Variants in FALEC observed in about 807,000 individuals in gnomAD.
The protein encoded by FALEC is focally amplified lncRNA on chromosome 1.
chr1:150,533,143 G>C, the FALEC span, among the ~76,000 whole-genome samples: 1 of 152,248 alleles, frequency 6.6e-6, no homozygotes, highest in Non-Finnish European at 1.5e-5. Context: ...CAAGAGTTTA[G>C]ATTTCATTTT....
At chr1:150,522,876 C>CAT (rs587688475), downstream of FALEC, among the ~76,000 whole-genome samples, 31 of 98,124 alleles carry the variant, frequency 3.2e-4, 1 homozygote, top group East Asian at 8.1e-4. Flanking sequence ...CGTATATATA[C>CAT]ATATATATAT....
downstream of FALEC, among the ~76,000 whole-genome samples, chr1:150,521,844 C>T (rs1382742375): frequency 6.6e-6 from 1 of 152,214 alleles, no homozygotes; most frequent in Non-Finnish European, 1.5e-5. Flanking sequence ...ATTTATAGGC[C>T]AAGCACTCCC....
the FALEC span, among the ~76,000 whole-genome samples, chr1:150,527,695 C>T: frequency 6.6e-6 from 1 of 151,868 alleles, no homozygotes; most frequent in Non-Finnish European, 1.5e-5. Context: ...ACTAAAAATA[C>T]AAAAGTTAGC....
At chr1:150,526,100 C>T in the FALEC span, among the ~76,000 whole-genome samples, 3 of 152,156 alleles carry the variant, frequency 2.0e-5, no homozygotes, top group East Asian at 1.9e-4. Flanking sequence ...CAGTGGCTCA[C>T]GCCTGTAATC....
chr1:150,521,157 G>C (rs1360669632), downstream of FALEC, among the ~76,000 whole-genome samples: 1 of 152,098 alleles, frequency 6.6e-6, no homozygotes, highest in African/African-American at 2.4e-5. Flanking sequence ...TTCTACTGTT[G>C]ATAGATACAT....
the FALEC span, among the ~76,000 whole-genome samples, chr1:150,527,303 G>A: frequency 6.6e-6 from 1 of 150,696 alleles, no homozygotes; most frequent in Admixed American, 6.6e-5. Context: ...CTGTTGCCCA[G>A]GCTGGAGTGC....
At chr1:150,519,487 G>C (rs77058047), downstream of FALEC, among the ~76,000 whole-genome samples, 5 of 152,058 alleles carry the variant, frequency 3.3e-5, no homozygotes, top group Non-Finnish European at 7.4e-5. Context: ...TTGGGAGACC[G>C]AGGTGGGCAG....
chr1:150,526,349 C>CAA, the FALEC span, among the ~76,000 whole-genome samples: 16 of 61,714 alleles, frequency 2.6e-4, no homozygotes, highest in South Asian at 5.9e-4. Context: ...AACTCCGTCT[C>CAA]AAAAAAAAAA....
At chr1:150,522,877 A>G (rs1438410827), downstream of FALEC, among the ~76,000 whole-genome samples, 31 of 92,028 alleles carry the variant, frequency 3.4e-4, no homozygotes, top group Admixed American at 1.8e-3. Flanking sequence ...GTATATATAC[A>G]TATATATATA....
chr1:150,522,244 CAA>C (rs60709164), downstream of FALEC, among the ~76,000 whole-genome samples: 9 of 119,076 alleles, frequency 7.6e-5, no homozygotes, highest in Admixed American at 1.7e-4. Flanking sequence ...GAGACTGTCT[CAA>C]AAAAAAAAAA....
the FALEC span, among the ~76,000 whole-genome samples, chr1:150,532,170 G>A: frequency 3.9e-5 from 6 of 152,184 alleles, no homozygotes; most frequent in Non-Finnish European, 7.3e-5. Flanking sequence ...GCCTCCCAAA[G>A]TGCTGGGATT....
At chr1:150,533,032 A>G in the FALEC span, among the ~76,000 whole-genome samples, 2 of 152,218 alleles carry the variant, frequency 1.3e-5, no homozygotes, top group Non-Finnish European at 2.9e-5. Context: ...CCAATAAAGA[A>G]CAGAGAGGCC....
chr1:150,532,561 G>A, the FALEC span, among the ~76,000 whole-genome samples: 5 of 152,178 alleles, frequency 3.3e-5, no homozygotes, highest in Non-Finnish European at 5.9e-5. Context: ...TGCCTAGAAT[G>A]GGGGCCAGGG....
the FALEC span, among the ~76,000 whole-genome samples, chr1:150,523,498 T>C: frequency 1.3e-5 from 2 of 150,766 alleles, no homozygotes; most frequent in Admixed American, 1.3e-4. Flanking sequence ...CTACTAAAAA[T>C]ACAAAAATTA....
chr1:150,518,546 G>T (rs113442928), downstream of FALEC, among the ~76,000 whole-genome samples: 7 of 151,334 alleles, frequency 4.6e-5, no homozygotes, highest in African/African-American at 1.7e-4. Flanking sequence ...TACCACGCCC[G>T]GTTCATTTTG....
At chr1:150,532,318 T>C in the FALEC span, among the ~76,000 whole-genome samples, 1 of 151,782 alleles carries the variant, frequency 6.6e-6, no homozygotes, top group Non-Finnish European at 1.5e-5. Context: ...TCCCCTGGAG[T>C]GGAGCTCTGA....
intron 1 of FALEC, chr1:150,516,143 A>G (rs2101450210): frequency 6.6e-6 from 1 of 151,598 alleles, no homozygotes; most frequent in East Asian, 1.9e-4. Flanking sequence ...AATCCCAGCT[A>G]CTCGGGAGGC....
At chr1:150,520,953 C>CT (rs1670634690), downstream of FALEC, among the ~76,000 whole-genome samples, 1 of 151,818 alleles carries the variant, frequency 6.6e-6, no homozygotes, top group Non-Finnish European at 1.5e-5. Flanking sequence ...AGGCGCCTGC[C>CT]AATACGCCTG....
At chr1:150,519,590 C>T (rs182867124), downstream of FALEC, among the ~76,000 whole-genome samples, 1,185 of 152,150 alleles carry the variant, frequency 7.8e-3, 6 homozygotes, top group Non-Finnish European at 0.013. Flanking sequence ...GGCACGGTGG[C>T]TCACGCCTGT....
Sources: allele counts gnomAD v4.1 joint callset (sites outside exome capture counted in the v4.1 genomes callset), GRCh38; gene constraint gnomAD v4.1.1; transcripts MANE v1.5; gene names NCBI Gene and HGNC (gene_info 2026-07-23, HGNC 2026-07-21).